Variants in SLC2A5 observed in about 807,000 individuals in gnomAD.
The protein encoded by SLC2A5 is solute carrier family 2, facilitated glucose transporter member 5.
Under a neutral mutation model 50.3 loss-of-function variants are expected in SLC2A5, and 56 were observed. The ratio of observed to expected loss-of-function variants is 1.11; its 90% CI spans 0.90 to 1.39. The LOEUF (loss-of-function observed/expected upper bound fraction) is 1.39, where lower values mean the gene tolerates loss of function less well. Ranked by LOEUF, SLC2A5 falls within the 40% of genes most tolerant of loss-of-function variation. SLC2A5 has a pLI of 0.00. For missense variants in SLC2A5, 566 were observed against 650.1 expected, an observed-to-expected ratio of 0.87 and a Z score of 1.41; for synonymous variants, 269 against 281.9, an observed-to-expected ratio of 0.95 and a Z score of 0.46.
chr1:9,089,547 G>A (rs940071559), upstream of SLC2A5, among the ~76,000 whole-genome samples: 1 of 152,134 alleles, frequency 6.6e-6, no homozygotes, highest in Non-Finnish European at 1.5e-5. Flanking sequence ...AAAGGCAAGC[G>A]TCTCTGTTTA....
chr1:9,037,960 C>CATG lies in SLC2A5; in HGVS notation c.1236_1238dup (p.Phe412_Met413insIle), dbSNP rs1641178648. The stretch of plus-strand genomic sequence containing the variant: ...AGAGCCAGTGCACACTGCCCCCCAC[C>CATG]ATGAAGGCAGATGGCCGAGAGGACT... On this transcript the variant is annotated inframe_insertion, in exon 11 of 12. Transcript: ENST00000377424. 1 of 1,613,868 alleles carries CATG rather than the reference C, an allele frequency of 6.2e-7. No homozygotes were observed. Among genetic ancestry groups the CATG allele is most frequent in the Admixed American group, 1.7e-5 (1 of 60,006 alleles).
chr1:9,057,128 C>G (rs557190074), intron 3 of SLC2A5, among the ~76,000 whole-genome samples: 1 of 152,020 alleles, frequency 6.6e-6, no homozygotes, highest in Non-Finnish European at 1.5e-5. Flanking sequence ...TCCGTCTCTA[C>G]TAGAAATACA....
intron 1 of SLC2A5, among the ~76,000 whole-genome samples, chr1:9,067,650 C>T (rs909620693): frequency 1.3e-5 from 2 of 152,084 alleles, no homozygotes. Context: ...ATGACCCAAG[C>T]GAAGGGGCTG....
intron 2 of SLC2A5, among the ~76,000 whole-genome samples, chr1:9,080,147 C>A (rs1306159478): frequency 6.6e-6 from 1 of 152,214 alleles, no homozygotes; most frequent in Non-Finnish European, 1.5e-5. Context: ...GATTGCCTTG[C>A]TCTCTGAGGC....
intron 5 of SLC2A5, chr1:9,041,005 C>T: frequency 5.9e-6 from 1 of 168,692 alleles, no homozygotes; most frequent in Non-Finnish European, 1.3e-5. Context: ...GATACTGGTA[C>T]AGGCTTAATA....
intron 3 of SLC2A5, among the ~76,000 whole-genome samples, chr1:9,054,819 C>G (rs1233188596): frequency 3.3e-5 from 5 of 152,156 alleles, no homozygotes; most frequent in African/African-American, 1.2e-4. Context: ...AGCTATTTAG[C>G]AGGCTGAGGC....
intron 1 of SLC2A5, among the ~76,000 whole-genome samples, chr1:9,064,778 G>A (rs1002437880): frequency 8.5e-5 from 13 of 152,108 alleles, no homozygotes; most frequent in African/African-American, 2.2e-4. Context: ...TAGGCCAGGC[G>A]CGGTGGCTCA....
intron 2 of SLC2A5, among the ~76,000 whole-genome samples, chr1:9,077,126 A>G (rs1157421234): frequency 6.7e-6 from 1 of 149,312 alleles, no homozygotes; most frequent in Non-Finnish European, 1.5e-5. Flanking sequence ...AAGGCTGGAC[A>G]TGGTGGCCCA....
intron 2 of SLC2A5, among the ~76,000 whole-genome samples, chr1:9,077,180 G>A (rs771056279): frequency 4.6e-5 from 7 of 150,624 alleles, no homozygotes; most frequent in East Asian, 2.0e-4. Context: ...CAGGCAGATC[G>A]CTTGAGCTCA....
intron 1 of SLC2A5, among the ~76,000 whole-genome samples, chr1:9,059,842 A>T (rs1320505023): frequency 2.0e-5 from 3 of 151,930 alleles, no homozygotes. Flanking sequence ...CCTAAAGAGG[A>T]TGTCTTGAGA....
At chr1:9,086,788 G>A (rs1489999360) in intron 1 of SLC2A5, among the ~76,000 whole-genome samples, 1 of 152,092 alleles carries the variant, frequency 6.6e-6, no homozygotes, top group Non-Finnish European at 1.5e-5. Flanking sequence ...TATGGAAAAC[G>A]GTACTGGTGC....
rs575690415 is a variant in SLC2A5 at position 9,057,759 on chromosome 1, G to C, written c.133-151C>G. The C allele has an allele frequency of 1.8e-4, 124 of 692,174 alleles. 1 individual carries two copies. In the African/African-American group the frequency reaches 2.1e-3, roughly 11 times the overall value. 42.9% of individuals were successfully genotyped at this position (692,174 alleles called of 1,614,324 possible). A position where few individuals can be genotyped will look rare whatever the true frequency, so the allele number is the denominator to read the frequency against. ...TGATGGGAGGCAGGACAGAGCTTCAGGAGCAGTGAGAAGGGTGGGCACCCA... is the reference window on the plus strand; with the variant it reads ...TGATGGGAGGCAGGACAGAGCTTCACGAGCAGTGAGAAGGGTGGGCACCCA... On this transcript the variant is annotated intron_variant, in intron 2 of 11. Transcript: ENST00000377424.
At chr1:9,081,468 T>TAAAAAAAAAAAA (rs34557003) in intron 2 of SLC2A5, among the ~76,000 whole-genome samples, 1 of 102,466 alleles carries the variant, frequency 9.8e-6, no homozygotes, top group Non-Finnish European at 1.9e-5. Flanking sequence ...CTCCTTCTCT[T>TAAAAAAAAAAAA]AAAAAAAAAA....
rs925934568 is a variant in SLC2A5, at chr1:9,038,403, C to T, written c.1174+28G>A. ...CTTCTGGGACCAGGGGGGGTTGTGA[C>T]ACCCTGAGGCCAGCTTTGGGTACGT... On this transcript the variant is annotated intron_variant, in intron 10 of 11. Transcript: ENST00000377424. 7.7e-6 allele frequency: 12 copies of T among 1,568,406 alleles called. No individual in the cohort carries two copies. In the Admixed American group the frequency reaches 1.3e-4, roughly 17 times the overall value.
At position 9,062,806 on chromosome 1, in the gene SLC2A5, A is replaced by AG. The variant is rs1326348936; in HGVS notation, c.34-4557dup. 3.3e-5 allele frequency among the ~76,000 whole-genome samples: 5 copies of AG among 152,250 alleles called. No homozygotes were observed. The East Asian group carries it at 9.7e-4, about 29-fold the overall frequency. On this transcript the variant is annotated intron_variant, in intron 1 of 11. Transcript: ENST00000377424. The stretch of plus-strand genomic sequence containing the variant: ...AGAATCGCTTGAACCTGGGAGATGG[A>AG]GGTTGCAGTGAGCCGAGATCACGCC...
chr1:9,066,391 T>C (rs1008423781), intron 1 of SLC2A5, among the ~76,000 whole-genome samples: 1 of 152,026 alleles, frequency 6.6e-6, no homozygotes, highest in African/African-American at 2.4e-5. Context: ...ACGGTCCCCA[T>C]GCCCAGCTAA....
chr1:9,050,308 G>A (rs941858844), intron 3 of SLC2A5, among the ~76,000 whole-genome samples: 1 of 151,242 alleles, frequency 6.6e-6, no homozygotes, highest in Non-Finnish European at 1.5e-5. Flanking sequence ...TCAAAAATTT[G>A]CTGGGCACTA....
At chr1:9,038,551 G>T (rs997962145) in intron 9 of SLC2A5, 45 bp from the exon 10 acceptor site, 28 of 1,549,226 alleles carry the variant, frequency 1.8e-5, no homozygotes, top group Non-Finnish European at 2.3e-5. Context: ...GACAAGCTAG[G>T]ACGGGACCCC....
intron 2 of SLC2A5, among the ~76,000 whole-genome samples, chr1:9,084,648 G>A (rs191094919): frequency 7.2e-5 from 11 of 152,322 alleles, no homozygotes; most frequent in Admixed American, 4.6e-4. Flanking sequence ...ACCAGATCCA[G>A]ATAACATATC....
Sources: gnomAD v4.1 joint callset for allele counts (sites outside exome capture counted in the v4.1 genomes callset) on GRCh38, gnomAD v4.1.1 for gene constraint, MANE v1.5 for transcripts, NCBI Gene and HGNC (gene_info 2026-07-23, HGNC 2026-07-21) for gene names.